The following ITFG1 variants were observed in gnomAD, a reference collection of about 807,000 sequenced individuals.
ITFG1 encodes the protein T-cell immunomodulatory protein.
In ITFG1, 34 loss-of-function variants were observed where a neutral mutation model predicts 81.8. That is an observed-to-expected ratio of 0.42 (90% CI 0.32 to 0.55). The LOEUF is 0.55. Among genes scored for constraint, ITFG1 ranks in the 20% least tolerant of loss-of-function variants. The probability of loss-of-function intolerance (pLI) is 0.17; values close to 1 mark genes in which losing one functional copy is unlikely to be tolerated. For missense variants in ITFG1, 672 were observed against 755.4 expected, an observed-to-expected ratio of 0.89 and a Z score of 1.29; for synonymous variants, 285 against 270.6, an observed-to-expected ratio of 1.05 and a Z score of -0.52.
intron 13 of ITFG1, among the ~76,000 whole-genome samples, chr16:47,231,714 T>C (rs1965818324): frequency 6.6e-6 from 1 of 152,218 alleles, no homozygotes; most frequent in Non-Finnish European, 1.5e-5. Flanking sequence ...TGAGTGTTTA[T>C]TGTGTATTAG....
intron 8 of ITFG1, among the ~76,000 whole-genome samples, chr16:47,356,075 T>A (rs1302604168): frequency 2.6e-5 from 4 of 152,114 alleles, no homozygotes; most frequent in Non-Finnish European, 4.4e-5. Context: ...GGATACAGCT[T>A]GTGAGACAGA....
chr16:47,236,429 C>T (rs1446026795), intron 13 of ITFG1, among the ~76,000 whole-genome samples: 3 of 147,222 alleles, frequency 2.0e-5, no homozygotes, highest in Non-Finnish European at 4.4e-5. Context: ...GAGCCGAGAT[C>T]GCGCCACTGC....
intron 10 of ITFG1, among the ~76,000 whole-genome samples, chr16:47,273,899 A>G (rs1966369678): frequency 6.6e-6 from 1 of 152,022 alleles, no homozygotes; most frequent in Non-Finnish European, 1.5e-5. Context: ...CTCCAGGGTT[A>G]CTACAAAATA....
chr16:47,183,682 G>T (rs1025137031), intron 14 of ITFG1, among the ~76,000 whole-genome samples: 1 of 152,120 alleles, frequency 6.6e-6, no homozygotes, highest in Non-Finnish European at 1.5e-5. Context: ...CCACAAAGAT[G>T]GGGAAAAAAC....
At chr16:47,188,033 CAG>C (rs1191707525) in intron 14 of ITFG1, among the ~76,000 whole-genome samples, 1 of 152,034 alleles carries the variant, frequency 6.6e-6, no homozygotes, top group Non-Finnish European at 1.5e-5. Context: ...CACTGGCTAT[CAG>C]AGAAATGCAA....
chr16:47,372,354 C>T (rs1968267190), intron 7 of ITFG1, among the ~76,000 whole-genome samples: 1 of 152,156 alleles, frequency 6.6e-6, no homozygotes, highest in African/African-American at 2.4e-5. Context: ...AAGCAATCCT[C>T]CTGCCTCAGC....
chr16:47,185,427 C>T (rs1382178585), intron 14 of ITFG1, among the ~76,000 whole-genome samples: 1 of 152,188 alleles, frequency 6.6e-6, no homozygotes, highest in East Asian at 1.9e-4. Context: ...AGACAAAGTG[C>T]AATCAAACTA....
intron 1 of ITFG1, among the ~76,000 whole-genome samples, chr16:47,460,148 C>A (rs531298556): frequency 6.6e-6 from 1 of 152,280 alleles, no homozygotes; most frequent in South Asian, 2.1e-4. Context: ...AAGGTGATGA[C>A]CAAGATGAGG....
At chr16:47,175,266 G>C (rs1965010173) in intron 14 of ITFG1, among the ~76,000 whole-genome samples, 2 of 151,256 alleles carry the variant, frequency 1.3e-5, no homozygotes, top group African/African-American at 2.4e-5. Context: ...TATGAGGGTA[G>C]ATAATATTAT....
chr16:47,440,896 G>A (rs577907337), intron 5 of ITFG1, among the ~76,000 whole-genome samples: 1 of 152,224 alleles, frequency 6.6e-6, no homozygotes, highest in Non-Finnish European at 1.5e-5. Flanking sequence ...ATGAATCCAG[G>A]AGCTGGTTTT....
chr16:47,235,273 G>A (rs1007608487), intron 13 of ITFG1, among the ~76,000 whole-genome samples: 3 of 152,182 alleles, frequency 2.0e-5, no homozygotes, highest in Non-Finnish European at 2.9e-5. Context: ...AAAGGTACTG[G>A]CAGAAGTAAT....
At chr16:47,165,376 A>G (rs1964876420) in intron 14 of ITFG1, among the ~76,000 whole-genome samples, 1 of 152,258 alleles carries the variant, frequency 6.6e-6, no homozygotes, top group Non-Finnish European at 1.5e-5. Flanking sequence ...ATTTAAGGAT[A>G]GGCATTAACA....
At chr16:47,233,803 G>T (rs1251695151) in intron 13 of ITFG1, among the ~76,000 whole-genome samples, 1 of 152,198 alleles carries the variant, frequency 6.6e-6, no homozygotes. Flanking sequence ...CAAGATGACA[G>T]AACACTTTTC....
intron 12 of ITFG1, among the ~76,000 whole-genome samples, chr16:47,256,833 G>A (rs1320796302): frequency 1.3e-5 from 2 of 152,154 alleles, no homozygotes; most frequent in African/African-American, 4.8e-5. Context: ...ATTTATGCTT[G>A]TTTCAAAACT....
At chr16:47,395,897 C>G (rs1376242397) in intron 6 of ITFG1, among the ~76,000 whole-genome samples, 1 of 152,128 alleles carries the variant, frequency 6.6e-6, no homozygotes, top group Non-Finnish European at 1.5e-5. Flanking sequence ...TCCTAGATAT[C>G]AAATTAAGAA....
rs115743316 is a variant in ITFG1 at position 47,190,276 on chromosome 16, C to G, written c.1454-27612G>C. Among the ~76,000 whole-genome samples the G allele has an allele frequency of 7.1e-3, 1,080 of 151,840 alleles. 14 individuals carry two copies. Among genetic ancestry groups the G allele is most frequent in the African/African-American group, 0.025 (1,034 of 41,418 alleles). On this transcript the variant is annotated intron_variant, in intron 14 of 17. Coordinates refer to ENST00000320640, the MANE Select transcript of ITFG1 (RefSeq NM_030790.5). ...TGGTACATGGATAAAAGATGCTTACCTACTTTAAAACAAAAGGTGAGAAGA... is the reference window on the plus strand; with the variant it reads ...TGGTACATGGATAAAAGATGCTTACGTACTTTAAAACAAAAGGTGAGAAGA...
intron 8 of ITFG1, among the ~76,000 whole-genome samples, chr16:47,362,509 T>G (rs1567474456): frequency 1.3e-5 from 2 of 152,268 alleles, no homozygotes; most frequent in Non-Finnish European, 2.9e-5. Flanking sequence ...TGTTCATCTG[T>G]TATTCATTTG....
chr16:47,236,249 G>A (rs1965871994), intron 13 of ITFG1, among the ~76,000 whole-genome samples: 1 of 152,134 alleles, frequency 6.6e-6, no homozygotes, highest in Non-Finnish European at 1.5e-5. Flanking sequence ...GCTGAGGCAG[G>A]CGGATCACGA....
At chr16:47,342,497 C>T (rs1004889008) in intron 8 of ITFG1, among the ~76,000 whole-genome samples, 5 of 151,908 alleles carry the variant, frequency 3.3e-5, no homozygotes, top group Non-Finnish European at 5.9e-5. Context: ...AAATTCTAGT[C>T]AGAGCAATTA....
Sources: gnomAD v4.1 joint callset for allele counts (sites outside exome capture counted in the v4.1 genomes callset) on GRCh38, gnomAD v4.1.1 for gene constraint, MANE v1.5 for transcripts, NCBI Gene and HGNC (gene_info 2026-07-23, HGNC 2026-07-21) for gene names.